The following CACNA1G variants were observed in gnomAD, a reference collection of about 807,000 sequenced individuals.
CACNA1G encodes the protein voltage-dependent T-type calcium channel subunit alpha-1G.
A neutral mutation model predicts 219.4 loss-of-function variants in CACNA1G; 67 were observed. The observed-to-expected ratio is 0.31, with a 90% CI of 0.25 to 0.37. The LOEUF (loss-of-function observed/expected upper bound fraction) is 0.37. Among genes scored for constraint, CACNA1G ranks in the 10% least tolerant of loss-of-function variants. The pLI is 1.00. For missense variants in CACNA1G, 2,380 were observed against 3,231.4 expected (o/e 0.74, Z 6.39); for synonymous variants, 1,296 against 1,345.3 (o/e 0.96, Z 0.80).
At chr17:50,577,223 C>A (rs1019504368) in intron 8 of CACNA1G, among the ~76,000 whole-genome samples, 1 of 152,028 alleles carries the variant, frequency 6.6e-6, no homozygotes, top group African/African-American at 2.4e-5. Context: ...CAAGGCTGGG[C>A]CCATAATTAC....
chr17:50,581,949 C>A (rs1422200240), intron 9 of CACNA1G, among the ~76,000 whole-genome samples: 2 of 152,180 alleles, frequency 1.3e-5, no homozygotes, highest in East Asian at 1.9e-4. Context: ...GTAGCATTTG[C>A]CAATTTCCAT....
In CACNA1G at chr17:50,621,625, G is replaced by A. The variant is rs764429387; in HGVS notation, c.5926-35G>A. ...GTGCACGCGCGTGTGCGCTGTCCTGGTTTCTCATGCCTGATCATCTCTCTC... is the reference window on the plus strand; with the variant it reads ...GTGCACGCGCGTGTGCGCTGTCCTGATTTCTCATGCCTGATCATCTCTCTC... On this transcript the variant is annotated intron_variant, in intron 34 of 37. Coordinates refer to ENST00000359106, the MANE Select transcript of CACNA1G (RefSeq NM_018896.5). The surrounding 1 kb of genome is among the most constrained non-coding windows in gnomAD (Gnocchi z 4.6). The A allele has an allele frequency of 1.2e-6, 2 of 1,609,632 alleles. No homozygotes were observed. Among genetic ancestry groups the A allele is most frequent in the South Asian group, 1.1e-5 (1 of 90,938 alleles).
chr17:50,594,530 C>T (rs989439573), intron 13 of CACNA1G, among the ~76,000 whole-genome samples: 4 of 152,178 alleles, frequency 2.6e-5, no homozygotes, highest in Admixed American at 1.3e-4. Context: ...GAGCCACAGA[C>T]TCGGGTTCCA....
intron 19 of CACNA1G, among the ~76,000 whole-genome samples, chr17:50,601,973 T>C (rs2145819842): frequency 6.6e-6 from 1 of 152,220 alleles, no homozygotes; most frequent in East Asian, 1.9e-4. Flanking sequence ...GGAGGGAGCC[T>C]GAGGAATGGC....
At chr17:50,614,488 C>A (rs956083645) in intron 26 of CACNA1G, among the ~76,000 whole-genome samples, 1 of 152,210 alleles carries the variant, frequency 6.6e-6, no homozygotes, top group African/African-American at 2.4e-5. Flanking sequence ...TGGAAGAGGG[C>A]CCCCCTGAAA....
At chr17:50,572,143 C>A in intron 5 of CACNA1G, 106 bp downstream of exon 5, 2 of 1,255,614 alleles carry the variant, frequency 1.6e-6, no homozygotes, top group Non-Finnish European at 2.2e-6. Context: ...GTTCTAACAT[C>A]TGAGACATAT....
intron 4 of CACNA1G, among the ~76,000 whole-genome samples, chr17:50,570,206 G>A (rs1352675195): frequency 6.6e-6 from 1 of 152,120 alleles, no homozygotes; most frequent in Admixed American, 6.5e-5. Flanking sequence ...GGTGAGACAC[G>A]CTGGCCACGC....
intron 34 of CACNA1G, 132 bp downstream of exon 34, chr17:50,619,958 A>T: frequency 1.1e-6 from 1 of 915,160 alleles, no homozygotes; most frequent in South Asian, 1.9e-5. Flanking sequence ...TTGGAGCCTC[A>T]GTTGAGTGCA....
chr17:50,603,319 T>C lies in CACNA1G; in HGVS notation c.4169+120T>C. The C allele has an allele frequency of 1.2e-6, 1 of 852,006 alleles. No homozygotes were observed. 52.8% of individuals were successfully genotyped at this position (852,006 alleles called of 1,614,324 possible). A position where few individuals can be genotyped will look rare whatever the true frequency, so the allele number is the denominator to read the frequency against. On this transcript the variant is annotated intron_variant, in intron 21 of 37. Coordinates refer to ENST00000359106, the MANE Select transcript of CACNA1G (RefSeq NM_018896.5). This position sits in a 1 kb window ranked among gnomAD's most constrained non-coding sequence, Gnocchi z 6.4. ...CCTGCACAGGCCAGCATCCTGTCTG[T>C]GACCCCCACAGGCGATCCTGTCCCC... is the stretch of plus-strand genomic sequence containing the variant.
In CACNA1G at chr17:50,582,024, G is replaced by A. The variant is rs79483580; in HGVS notation, c.2301+3460G>A. 5.7e-3 allele frequency among the ~76,000 whole-genome samples: 874 copies of A among 152,338 alleles called. 14 individuals are homozygous for A. Among genetic ancestry groups the A allele is most frequent in the African/African-American group, 0.02 (812 of 41,572 alleles). ...ACACGATTCCACCGAATGTGGGGTT[G>A]GGAAGAGACGTGGACAATTGGTTCT... On this transcript the variant is annotated intron_variant, in intron 9 of 37. Coordinates refer to ENST00000359106, the MANE Select transcript of CACNA1G (RefSeq NM_018896.5).
intron 9 of CACNA1G, among the ~76,000 whole-genome samples, chr17:50,585,656 G>T (rs1859194859): frequency 6.6e-6 from 1 of 151,946 alleles, no homozygotes; most frequent in African/African-American, 2.4e-5. Context: ...CAGGAGGGGG[G>T]ATCCAAACTG....
chr17:50,597,703 C>T (rs2045845627), intron 16 of CACNA1G, among the ~76,000 whole-genome samples: 1 of 152,146 alleles, frequency 6.6e-6, no homozygotes, highest in Non-Finnish European at 1.5e-5. Flanking sequence ...TTGACTATAG[C>T]CATCATGCTG....
chr17:50,568,743 G>GCCCT lies in CACNA1G; in HGVS notation c.243-126_243-123dup. 1.6e-5 allele frequency: 12 copies of GCCCT among 737,344 alleles called. No homozygotes were observed. In the South Asian group the frequency reaches 1.8e-4, roughly 11 times the overall value. The allele number at this position is 737,344 out of a possible 1,614,324, so 45.7% of individuals were successfully genotyped here. A position where few individuals can be genotyped will look rare whatever the true frequency, so the allele number is the denominator to read the frequency against. On this transcript the variant is annotated intron_variant, in intron 1 of 37. Transcript: ENST00000359106. ...GGGGCTGGTCTGCGTGTATGTCAGG[G>GCCCT]CCCTGGCACCACACCTGCTTAGCCT...
rs2146548762 is a variant in CACNA1G at position 50,626,803 on chromosome 17, C to G, written c.*52C>G. 6.2e-7 allele frequency: 1 copy of G among 1,610,284 alleles called. No individual in the cohort carries two copies. Among genetic ancestry groups the G allele is most frequent in the Admixed American group, 1.7e-5 (1 of 60,024 alleles). On this transcript the variant is annotated 3_prime_UTR_variant, in exon 38 of 38. Transcript: ENST00000359106. The surrounding 1 kb of genome is among the most constrained non-coding windows in gnomAD (Gnocchi z 4.3). ...TTCTCCACTGGGTGCCAAGTCCTAG[C>G]TCCTCCTCCTGGGCTATATTCCTGA...
At position 50,578,166 on chromosome 17, in the gene CACNA1G, C is replaced by T; in HGVS notation, c.1925-22C>T. ...CCAGGTACGAGACTCTGGAGCCTCT[C>T]ACCTCTACTCTCCTGTTCCAGGTGC... On this transcript the variant is annotated intron_variant, in intron 8 of 37. Coordinates refer to ENST00000359106, the MANE Select transcript of CACNA1G (RefSeq NM_018896.5). This position sits in a 1 kb window ranked among gnomAD's most constrained non-coding sequence, Gnocchi z 4.5. The T allele has an allele frequency of 1.3e-6, 2 of 1,528,060 alleles. No individual in the cohort carries two copies. The highest frequency in any genetic ancestry group is 1.8e-6 in the Non-Finnish European group (2 of 1,139,032). The allele number at this position is 1,528,060 out of a possible 1,614,324, so 94.7% of individuals were successfully genotyped here.
At chr17:50,565,960 C>G (rs987185783) in intron 1 of CACNA1G, among the ~76,000 whole-genome samples, 9 of 152,148 alleles carry the variant, frequency 5.9e-5, no homozygotes, top group African/African-American at 1.9e-4. Flanking sequence ...CACTCCAGCC[C>G]GGACAGTCAC....
chr17:50,605,991 C>T lies in CACNA1G; in HGVS notation c.4390C>T (p.Arg1464Trp). Reference protein sequence around the residue: ...DCAEASYRWVRHKYNFDNLGQ... With the variant: ...DCAEASYRWVWHKYNFDNLGQ... The stretch of plus-strand genomic sequence containing the variant: ...TGCCGAGGCCAGTTACCGGTGGGTC[C>T]GGCACAAGTACAACTTTGACAACCT... The change falls in exon 23 of 38, where the codon CGG becomes TGG. Residue 1464 changes from arginine (R) to tryptophan (W), a missense_variant. Physicochemically the swap from Arg to Trp is moderately radical, Grantham distance 101. This residue lies in a region of CACNA1G where 153 missense variants were observed against 374.9 expected (regional missense o/e 0.41). Transcript: ENST00000359106. 6.2e-7 allele frequency: 1 copy of T among 1,613,822 alleles called. No homozygotes were observed. Among genetic ancestry groups the T allele is most frequent in the African/African-American group, 1.3e-5 (1 of 75,050 alleles).
chr17:50,611,304 A>G (rs574120690), intron 26 of CACNA1G, among the ~76,000 whole-genome samples: 49 of 150,094 alleles, frequency 3.3e-4, no homozygotes, highest in African/African-American at 1.0e-3. Flanking sequence ...AAGGACCCCC[A>G]TGGCTGCTGC....
intron 16 of CACNA1G, among the ~76,000 whole-genome samples, chr17:50,597,727 GAAAA>G (rs1568097270): frequency 6.6e-6 from 1 of 152,108 alleles, no homozygotes; most frequent in East Asian, 1.9e-4. Flanking sequence ...AATAAATCTC[GAAAA>G]TTGATTCCTC....
Sources: allele counts gnomAD v4.1 joint callset (sites outside exome capture counted in the v4.1 genomes callset), GRCh38; gene constraint gnomAD v4.1.1; regional missense constraint gnomAD v4.1.1; non-coding constraint Gnocchi (gnomAD v3.1); transcripts MANE v1.5; gene names NCBI Gene and HGNC (gene_info 2026-07-23, HGNC 2026-07-21).